GPR180: variants seen among roughly 807,000 people sequenced by gnomAD.
The protein encoded by GPR180 is integral membrane protein GPR180.
In GPR180, 53 loss-of-function variants were observed where a neutral mutation model predicts 52.6. The ratio of observed to expected loss-of-function variants is 1.01; its 90% CI spans 0.81 to 1.27. The LOEUF (loss-of-function observed/expected upper bound fraction) is 1.27, where lower values mean the gene tolerates loss of function less well. GPR180 is among the 50% of genes most tolerant of loss of function. The pLI is 0.00. For missense variants in GPR180, 533 were observed against 527.0 expected (o/e 1.01, Z -0.11); for synonymous variants, 200 against 193.1 (o/e 1.04, Z -0.30).
rs1369750134 is a variant in GPR180 at position 94,627,846 on chromosome 13, A to T, written c.*675A>T. ...AAAAAATAAAACTTAAATACATTAC[A>T]CGGGTTGTAAGGACAAAGGATTTTA... On this transcript the variant is annotated 3_prime_UTR_variant, in exon 9 of 9. Transcript: ENST00000376958. 2.0e-5 allele frequency: 3 copies of T among 152,532 alleles called. No individual in the cohort carries two copies. Among genetic ancestry groups the T allele is most frequent in the Non-Finnish European group, 4.4e-5 (3 of 67,986 alleles). The allele number at this position is 152,532 out of a possible 1,614,324, so 9.4% of individuals were successfully genotyped here. A position where few individuals can be genotyped will look rare whatever the true frequency, so the allele number is the denominator to read the frequency against.
intron 3 of GPR180, among the ~76,000 whole-genome samples, chr13:94,618,419 G>GTTTTTTTTTTTTTTTTTTTTTT (rs1566980109): frequency 2.7e-5 from 2 of 72,976 alleles, no homozygotes; most frequent in African/African-American, 2.4e-4. Context: ...ATCAGCACAG[G>GTTTTTTTTTTTTTTTTTTTTTT]ATTTTTTTTT....
At chr13:94,604,495 CAGG>C (rs1187855456) in intron 1 of GPR180, among the ~76,000 whole-genome samples, 1 of 152,062 alleles carries the variant, frequency 6.6e-6, no homozygotes, top group African/African-American at 2.4e-5. Context: ...GCAGGAGAAT[CAGG>C]AGAATCGCTT....
intron 5 of GPR180, 123 bp downstream of exon 5, chr13:94,619,640 A>G (rs1889827375): frequency 1.3e-6 from 1 of 780,856 alleles, no homozygotes; most frequent in Non-Finnish European, 2.1e-6. Context: ...GACTGAGAAC[A>G]GGATTACAGT....
rs1172975326 is a variant in GPR180, at chr13:94,634,058, G to A, written c.*6887G>A. The A allele has an allele frequency of 1.3e-5, 2 of 151,860 alleles. No homozygotes were observed. The highest frequency in any genetic ancestry group is 2.1e-4 in the South Asian group (1 of 4,808). 9.4% of individuals were successfully genotyped at this position (151,860 alleles called of 1,614,324 possible). On this transcript the variant is annotated 3_prime_UTR_variant, in exon 9 of 9. Coordinates refer to ENST00000376958, the MANE Select transcript of GPR180 (RefSeq NM_180989.6). ...TATTGTAGTCTTAAAATTGCTGTAC[G>A]CTTTGGTAGGGATAATTTTCTGTTA...
chr13:94,607,826 C>T (rs1250162193), intron 2 of GPR180, among the ~76,000 whole-genome samples: 1 of 152,084 alleles, frequency 6.6e-6, no homozygotes, highest in Non-Finnish European at 1.5e-5. Flanking sequence ...AATTATATGG[C>T]ACTATGAGAA....
chr13:94,608,675 A>C (rs1408425132), intron 2 of GPR180, among the ~76,000 whole-genome samples: 1 of 152,174 alleles, frequency 6.6e-6, no homozygotes, highest in African/African-American at 2.4e-5. Flanking sequence ...TCATGATGTA[A>C]TAGTAACACA....
At chr13:94,609,742 CTGTA>C (rs1261412639) in intron 2 of GPR180, among the ~76,000 whole-genome samples, 1 of 151,126 alleles carries the variant, frequency 6.6e-6, no homozygotes, top group Non-Finnish European at 1.5e-5. Flanking sequence ...TTTCCAGAAA[CTGTA>C]TGTGTGTTTT....
intron 3 of GPR180, among the ~76,000 whole-genome samples, chr13:94,614,270 C>G (rs906642834): frequency 2.6e-5 from 4 of 152,202 alleles, no homozygotes; most frequent in Admixed American, 6.5e-5. Flanking sequence ...GCAGTTGTTG[C>G]ATGTGCAAAC....
chr13:94,604,285 G>C (rs1231527116), intron 1 of GPR180, among the ~76,000 whole-genome samples: 1 of 151,652 alleles, frequency 6.6e-6, no homozygotes, highest in Non-Finnish European at 1.5e-5. Flanking sequence ...AGTTAGCTGA[G>C]ATCGTGCCAT....
intron 2 of GPR180, among the ~76,000 whole-genome samples, chr13:94,611,725 A>G (rs114887097): frequency 0.034 from 5,231 of 151,946 alleles, 310 homozygotes; most frequent in African/African-American, 0.12. Flanking sequence ...ACCATGCCCT[A>G]CAACTACCCA....
Position 94,605,472 on chromosome 13 carries a change from C to A in GPR180, c.227C>A (p.Ala76Asp), listed in dbSNP as rs143641707. Residue 76 changes from alanine to aspartate, a missense_variant, in exon 2 of 9, where the codon GCC (alanine) becomes GAC (aspartate). Ala to Asp is a moderately radical substitution (Grantham distance 126, BLOSUM62 -2). Transcript: ENST00000376958. ...GKEAKLYLFQ[A>D]QEWLKLQQSS... ...GAAGCTAAACTCTACCTGTTCCAAG[C>A]CCAGGAATGGCTAAAGCTACAGCAA... The A allele has an allele frequency of 1.9e-6, 3 of 1,613,868 alleles. No homozygotes were observed. In the African/African-American group the frequency reaches 4.0e-5, roughly 22 times the overall value.
rs1316550635 is a variant in GPR180 at position 94,613,448 on chromosome 13, A to AT, written c.505+1066dup. ...TATCTAGTGATAGAATGGTGTGCTA[A>AT]TTTTTTTTATTTTTATTTTTTAGAG... On this transcript the variant is annotated intron_variant, in intron 3 of 8. Coordinates refer to ENST00000376958, the MANE Select transcript of GPR180 (RefSeq NM_180989.6). Among the ~76,000 whole-genome samples, 16 of 152,012 alleles carry AT rather than the reference A, an allele frequency of 1.1e-4. No homozygotes were observed. In the South Asian group the frequency reaches 3.1e-3, roughly 30 times the overall value.
intron 7 of GPR180, among the ~76,000 whole-genome samples, chr13:94,625,179 C>G (rs1334441001): frequency 1.3e-5 from 2 of 152,186 alleles, no homozygotes; most frequent in East Asian, 3.8e-4. Context: ...ATTTAACTTT[C>G]TAAATAGGAT....
chr13:94,624,895 G>A (rs1023569406), intron 7 of GPR180, among the ~76,000 whole-genome samples: 1 of 150,990 alleles, frequency 6.6e-6, no homozygotes, highest in African/African-American at 2.4e-5. Flanking sequence ...GCAGTGGTGC[G>A]ATTTCGGCTC....
chr13:94,614,970 A>G (rs1191203157), intron 3 of GPR180, among the ~76,000 whole-genome samples: 3 of 152,216 alleles, frequency 2.0e-5, no homozygotes, highest in African/African-American at 7.2e-5. Flanking sequence ...TAAAATGCTT[A>G]AAAGCTTTTG....
At chr13:94,614,344 C>G (rs999262794) in intron 3 of GPR180, among the ~76,000 whole-genome samples, 1 of 152,188 alleles carries the variant, frequency 6.6e-6, no homozygotes, top group African/African-American at 2.4e-5. Context: ...AGGCTGTAGT[C>G]CTTTGGCTCA....
chr13:94,613,849 T>C (rs945122271), intron 3 of GPR180, among the ~76,000 whole-genome samples: 1 of 151,700 alleles, frequency 6.6e-6, no homozygotes, highest in Non-Finnish European at 1.5e-5. Context: ...ATGGTTGGAC[T>C]AAATTGCTCC....
At position 94,627,052 on chromosome 13, in the gene GPR180, AT is replaced by A; in HGVS notation, c.1205del (p.Met402ArgfsTer23). The part of the protein sequence containing the change: ...IGVILCQSVS[M>X]VILYRLFLSH... ...TGTTATCCTTTGCCAGTCTGTTTCCATGGTTATTCTCTACAGACTCTTTCTG... is the reference window on the plus strand; with the variant it reads ...TGTTATCCTTTGCCAGTCTGTTTCCAGGTTATTCTCTACAGACTCTTTCTG... On this transcript the variant is annotated frameshift_variant, in exon 9 of 9. Coordinates refer to ENST00000376958, the MANE Select transcript of GPR180 (RefSeq NM_180989.6). LOFTEE classifies it high-confidence loss of function. The A allele has an allele frequency of 6.2e-7, 1 of 1,611,044 alleles. No homozygotes were observed. Among genetic ancestry groups the A allele is most frequent in the Non-Finnish European group, 8.5e-7 (1 of 1,178,740 alleles).
At position 94,629,809 on chromosome 13, in the gene GPR180, ATTAT is replaced by A. The variant is rs2138573457; in HGVS notation, c.*2644_*2647del. 6.6e-6 allele frequency: 1 copy of A among 152,314 alleles called. No homozygotes were observed. The highest frequency in any genetic ancestry group is 1.5e-5 in the Non-Finnish European group (1 of 68,020). 9.4% of individuals were successfully genotyped at this position (152,314 alleles called of 1,614,324 possible). ...AGGCAGAAGAGCTTGCTTTAGGGTA[ATTAT>A]TTATTATCTCCAGTAAAGTCACATC... On this transcript the variant is annotated 3_prime_UTR_variant, in exon 9 of 9. Coordinates refer to ENST00000376958, the MANE Select transcript of GPR180 (RefSeq NM_180989.6).
Sources: gnomAD v4.1 joint callset for allele counts (sites outside exome capture counted in the v4.1 genomes callset) on GRCh38, gnomAD v4.1.1 for gene constraint, MANE v1.5 for transcripts, NCBI Gene and HGNC (gene_info 2026-07-23, HGNC 2026-07-21) for gene names.